Variants in FSD1 observed in about 807,000 individuals in gnomAD.
FSD1 encodes fibronectin type III and SPRY domain-containing protein 1.
In FSD1, 23 loss-of-function variants were observed where a neutral mutation model predicts 58.2. That is an observed-to-expected ratio of 0.40 (90% CI 0.28 to 0.56). FSD1 has a LOEUF of 0.56. Ranked by LOEUF, FSD1 falls within the 20% of genes least tolerant of loss-of-function variation. The probability of loss-of-function intolerance (pLI) is 0.54; values close to 1 mark genes in which losing one functional copy is unlikely to be tolerated. For missense variants in FSD1, 563 were observed against 670.8 expected (o/e 0.84, Z 1.78); for synonymous variants, 265 against 263.4 (o/e 1.01, Z -0.06).
In FSD1 at chr19:4,323,697, C is replaced by T; in HGVS notation, c.*54C>T. The T allele has an allele frequency of 7.7e-7, 1 of 1,290,590 alleles. No homozygotes were observed. Among genetic ancestry groups the T allele is most frequent in the East Asian group, 2.5e-5 (1 of 40,674 alleles). 79.9% of individuals were successfully genotyped at this position (1,290,590 alleles called of 1,614,324 possible). A position where few individuals can be genotyped will look rare whatever the true frequency, so the allele number is the denominator to read the frequency against. ...TTTTTGGGGGAGTCGCCGCCAAGCC[C>T]AGGCTGCTGGAGCCAGGCACCCTCC... On this transcript the variant is annotated 3_prime_UTR_variant, in exon 13 of 13. Transcript: ENST00000221856. This position sits in a 1 kb window ranked among gnomAD's most constrained non-coding sequence, Gnocchi z 7.7.
chr19:4,313,149 A>G (rs1347968580), intron 7 of FSD1, among the ~76,000 whole-genome samples: 2 of 147,516 alleles, frequency 1.4e-5, no homozygotes, highest in Non-Finnish European at 3.0e-5. Flanking sequence ...GGAGCTGGAG[A>G]CCAGCTTGGG....
intron 7 of FSD1, among the ~76,000 whole-genome samples, chr19:4,316,362 C>T (rs1971755070): frequency 6.6e-6 from 1 of 151,672 alleles, no homozygotes; most frequent in Non-Finnish European, 1.5e-5. Context: ...GCTGGGATTA[C>T]AGGCGCCACC....
In FSD1 at chr19:4,317,193, G is replaced by T. The variant is rs201282091; in HGVS notation, c.712G>T (p.Asp238Tyr). 54 of 1,606,930 alleles carry T rather than the reference G, an allele frequency of 3.4e-5. No individual in the cohort carries two copies. The East Asian group carries it at 1.1e-3, about 34-fold the overall frequency. ...TEYTLTGLKF[D>Y]MKYMNFRVKA... ...CTCTTGCCTACCAGGTCTCAAGTTT[G>T]ACATGAAATACATGAACTTCCGTGT... The change falls in exon 8 of 13, where the codon GAC (aspartate) becomes TAC (tyrosine). Residue 238 changes from aspartate (D) to tyrosine (Y), a missense_variant. Physicochemically the swap from Asp to Tyr is radical, Grantham distance 160. Coordinates refer to ENST00000221856, the MANE Select transcript of FSD1 (RefSeq NM_024333.3).
At chr19:4,308,113 C>A (rs1423692660) in intron 4 of FSD1, 130 bp downstream of exon 4, 3 of 676,090 alleles carry the variant, frequency 4.4e-6, no homozygotes, top group East Asian at 2.9e-5. Flanking sequence ...CATACTGATA[C>A]CAAGAAAGTG....
chr19:4,305,148 C>G (rs977640200), intron 1 of FSD1, among the ~76,000 whole-genome samples: 1 of 141,926 alleles, frequency 7.0e-6, no homozygotes, highest in Non-Finnish European at 1.5e-5. Context: ...GAAAAAGGAG[C>G]AGGTTGGAGC....
intron 10 of FSD1, among the ~76,000 whole-genome samples, chr19:4,322,379 G>A (rs1971704428): frequency 6.6e-6 from 1 of 152,044 alleles, no homozygotes; most frequent in South Asian, 2.1e-4. Context: ...GTATCTGGGA[G>A]GAATAGCTGG....
intron 4 of FSD1, among the ~76,000 whole-genome samples, chr19:4,309,037 T>C (rs1333622868): frequency 2.0e-5 from 3 of 151,938 alleles, no homozygotes; most frequent in African/African-American, 7.3e-5. Context: ...ATCGCACCAC[T>C]GCACTCCAGC....
At chr19:4,320,036 G>C (rs1051411062) in intron 10 of FSD1, among the ~76,000 whole-genome samples, 1 of 152,064 alleles carries the variant, frequency 6.6e-6, no homozygotes, top group Admixed American at 6.6e-5. Context: ...CAGAGCTGAA[G>C]CCAAGGGGTA....
chr19:4,318,758 C>A, intron 9 of FSD1, 114 bp from the exon 10 acceptor site: 1 of 879,728 alleles, frequency 1.1e-6, no homozygotes, highest in Non-Finnish European at 1.9e-6. Context: ...CCAAATACTG[C>A]CAGAGATTGA....
chr19:4,314,193 T>C (rs1453738611), intron 7 of FSD1, among the ~76,000 whole-genome samples: 2 of 152,210 alleles, frequency 1.3e-5, no homozygotes, highest in Non-Finnish European at 2.9e-5. Flanking sequence ...ATGAGCACGC[T>C]AACTGCAGGG....
chr19:4,307,089 C>T (rs140000445), intron 3 of FSD1, among the ~76,000 whole-genome samples: 10 of 152,276 alleles, frequency 6.6e-5, no homozygotes, highest in Non-Finnish European at 1.5e-4. Context: ...GAGTCTTATT[C>T]TGTCACCCAG....
At chr19:4,318,709 T>C (rs1971782098) in intron 9 of FSD1, among the ~76,000 whole-genome samples, 163 bp from the exon 10 acceptor site, 2 of 152,206 alleles carry the variant, frequency 1.3e-5, no homozygotes, top group Admixed American at 1.3e-4. Context: ...CACAGGCATG[T>C]TCTGACATAA....
At chr19:4,315,726 C>T (rs1227342525) in intron 7 of FSD1, among the ~76,000 whole-genome samples, 2 of 151,200 alleles carry the variant, frequency 1.3e-5, no homozygotes, top group Non-Finnish European at 2.9e-5. Flanking sequence ...ATTCTCCTGC[C>T]CCAGCCTCCC....
chr19:4,318,161 C>T (rs999484372), intron 8 of FSD1, among the ~76,000 whole-genome samples, 185 bp from the exon 9 acceptor site: 3 of 151,588 alleles, frequency 2.0e-5, no homozygotes, highest in Non-Finnish European at 4.4e-5. Context: ...GCTTGTCCAT[C>T]TCTATATCTG....
rs1228058949 is a variant in FSD1 at position 4,307,948 on chromosome 19, A to G, written c.310A>G (p.Thr104Ala). 1 of 1,613,688 alleles carries G rather than the reference A, an allele frequency of 6.2e-7. No homozygotes were observed. Among genetic ancestry groups the G allele is most frequent in the South Asian group, 1.1e-5 (1 of 91,034 alleles). ...SEELLETANQ[T>A]LQAMDSEDFP... ...GGAGCTTCTGGAGACAGCCAACCAG[A>G]CTCTGCAGGCCATGGACAGCGAGGA... is the stretch of plus-strand genomic sequence containing the variant. Residue 104 changes from threonine (T) to alanine (A), a missense_variant, in exon 4 of 13, where the codon ACT (threonine) becomes GCT (alanine). Coordinates refer to ENST00000221856, the MANE Select transcript of FSD1 (RefSeq NM_024333.3).
At chr19:4,310,447 C>T (rs377370376) in intron 5 of FSD1, 28 bp from the exon 6 acceptor site, 81 of 1,606,660 alleles carry the variant, frequency 5.0e-5, no homozygotes, top group Admixed American at 1.8e-4. Flanking sequence ...TGGTCCCCCA[C>T]GCAACGCCTG....
In FSD1 at chr19:4,323,393, C is replaced by CAGCCGCTG; in HGVS notation, c.1337_1338insAGCCGCTG (p.Phe447AlafsTer25). The CAGCCGCTG allele has an allele frequency of 6.2e-7, 1 of 1,613,990 alleles. No homozygotes were observed. Among genetic ancestry groups the CAGCCGCTG allele is most frequent in the Non-Finnish European group, 8.5e-7 (1 of 1,179,918 alleles). The stretch of plus-strand genomic sequence containing the variant: ...GCCCGCACCAAACAAGTGCTGCACA[C>CAGCCGCTG]TTTCAAGACCAGGTTCACACAGCCG... On this transcript the variant is annotated frameshift_variant, in exon 12 of 13. Coordinates refer to ENST00000221856, the MANE Select transcript of FSD1 (RefSeq NM_024333.3). LOFTEE classifies it high-confidence loss of function. This position sits in a 1 kb window ranked among gnomAD's most constrained non-coding sequence, Gnocchi z 7.7.
chr19:4,321,286 G>A (rs1157016260), intron 10 of FSD1, among the ~76,000 whole-genome samples: 2 of 137,678 alleles, frequency 1.5e-5, no homozygotes, highest in African/African-American at 5.6e-5. Flanking sequence ...ATCTGGAGGG[G>A]AATAGCTGGG....
chr19:4,312,184 G>A (rs1971700931), intron 7 of FSD1, 133 bp downstream of exon 7: 1 of 807,760 alleles, frequency 1.2e-6, no homozygotes, highest in Non-Finnish European at 2.0e-6. Flanking sequence ...GCCTGGGGAG[G>A]TGGATCAGAA....
Sources: allele counts gnomAD v4.1 joint callset (sites outside exome capture counted in the v4.1 genomes callset), GRCh38; gene constraint gnomAD v4.1.1; non-coding constraint Gnocchi (gnomAD v3.1); transcripts MANE v1.5; gene names NCBI Gene and HGNC (gene_info 2026-07-23, HGNC 2026-07-21).